SVEP1: variants seen among roughly 807,000 people sequenced by gnomAD.
SVEP1 encodes sushi, von Willebrand factor type A, EGF and pentraxin domain-containing protein 1.
A neutral mutation model predicts 367.3 loss-of-function variants in SVEP1; 164 were observed. The ratio of observed to expected loss-of-function variants is 0.45; its 90% CI spans 0.39 to 0.51. The LOEUF (loss-of-function observed/expected upper bound fraction) is 0.51. Among genes scored for constraint, SVEP1 ranks in the 20% least tolerant of loss-of-function variants. The probability of loss-of-function intolerance (pLI) is 0.00; values close to 1 mark genes in which losing one functional copy is unlikely to be tolerated. For synonymous variants in SVEP1, 1,666 were observed against 1,611.6 expected, an observed-to-expected ratio of 1.03 and a Z score of -0.81; for missense variants, 4,117 against 4,425.3, an observed-to-expected ratio of 0.93 and a Z score of 1.98.
At chr9:110,540,694 T>C (rs1342426034) in intron 3 of SVEP1, among the ~76,000 whole-genome samples, 2 of 152,166 alleles carry the variant, frequency 1.3e-5, no homozygotes, top group Admixed American at 1.3e-4. Flanking sequence ...ACATATCATA[T>C]GCTATAAAAC....
chr9:110,483,754 T>G, intron 9 of SVEP1, 61 bp from the exon 10 acceptor site: 6 of 1,324,216 alleles, frequency 4.5e-6, no homozygotes, highest in Non-Finnish European at 6.1e-6. Flanking sequence ...ATGAGGAGGT[T>G]TTCAAAAGAG....
Position 110,379,415 on chromosome 9 carries a change from A to T in SVEP1, c.10340T>A (p.Met3447Lys), listed in dbSNP as rs763922501. ...AACACTCCTCAGGAAACCCTCCAAC[A>T]TGTATCCACTGTAACATGAGTAGGT... ...MITYSCYSGYMLEGFLRSVCL... is the reference protein window; with the variant it reads ...MITYSCYSGYKLEGFLRSVCL... Residue 3447 changes from methionine to lysine, a missense_variant, in exon 44 of 48, where the codon ATG becomes AAG. This residue lies in a region of SVEP1 where 1,765 missense variants were observed against 1,781.1 expected (regional missense o/e 0.99). Coordinates refer to ENST00000374469, the MANE Select transcript of SVEP1 (RefSeq NM_153366.4). The T allele has an allele frequency of 6.2e-7, 1 of 1,613,796 alleles. No individual in the cohort carries two copies. Among genetic ancestry groups the T allele is most frequent in the South Asian group, 1.1e-5 (1 of 91,056 alleles).
Position 110,455,474 on chromosome 9 carries a change from AAT to A in SVEP1, c.3787+114_3787+115del, listed in dbSNP as rs1828763479. 9 of 723,492 alleles carry A rather than the reference AAT, an allele frequency of 1.2e-5. No homozygotes were observed. The Middle Eastern group carries it at 8.1e-4, about 65-fold the overall frequency. 44.8% of individuals were successfully genotyped at this position (723,492 alleles called of 1,614,324 possible). On this transcript the variant is annotated intron_variant, in intron 22 of 47. Coordinates refer to ENST00000374469, the MANE Select transcript of SVEP1 (RefSeq NM_153366.4). ...GTAATATTAGAAAATATGCTTCTTC[AAT>A]ATGTTTATAATATTCTATAAATGTA...
chr9:110,370,134 A>T, intron 46 of SVEP1, 118 bp from the exon 47 acceptor site: 2 of 841,908 alleles, frequency 2.4e-6, no homozygotes, highest in Non-Finnish European at 3.8e-6. Flanking sequence ...GCTGGTCTTC[A>T]TATACCGTTA....
Position 110,436,392 on chromosome 9 carries a change from C to T in SVEP1, c.4752G>A (p.Leu1584=). ...AAATGGAATTGACCTGCTGTGGAGACAGGACATAGTCCCAGAGGTTGAGCT... is the reference window on the plus strand; with the variant it reads ...AAATGGAATTGACCTGCTGTGGAGATAGGACATAGTCCCAGAGGTTGAGCT... The part of the protein sequence containing the change: ...ISQLNLWDYV[L]SPQQVKSLAT... The change falls in exon 28 of 48, where the codon CTG becomes CTA. Residue 1584 remains leucine (L), a synonymous_variant. Transcript: ENST00000374469. 1.2e-6 allele frequency: 2 copies of T among 1,613,926 alleles called. No homozygotes were observed. Among genetic ancestry groups the T allele is most frequent in the Middle Eastern group, 1.6e-4 (1 of 6,062 alleles).
intron 1 of SVEP1, among the ~76,000 whole-genome samples, chr9:110,572,738 C>T (rs1018861893): frequency 1.5e-5 from 2 of 129,314 alleles, no homozygotes; most frequent in Non-Finnish European, 3.1e-5. Context: ...GCCGAGATGG[C>T]GTCACTGCAC....
At chr9:110,508,063 T>G (rs1454544205) in intron 5 of SVEP1, among the ~76,000 whole-genome samples, 1 of 152,246 alleles carries the variant, frequency 6.6e-6, no homozygotes, top group Non-Finnish European at 1.5e-5. Context: ...CTTAATACCA[T>G]TTTAATAGGT....
In SVEP1 at chr9:110,430,332, T is replaced by C. The variant is rs756834962; in HGVS notation, c.5472A>G (p.Val1824=). 2 of 1,613,556 alleles carry C rather than the reference T, an allele frequency of 1.2e-6. No homozygotes were observed. The highest frequency in any genetic ancestry group is 1.7e-5 in the Admixed American group (1 of 59,902). The change falls in exon 33 of 48, where the codon GTA becomes GTG. Residue 1824 remains valine (V), a synonymous_variant. Transcript: ENST00000374469. The part of the protein sequence containing the change: ...SCQEGYQLMG[V]TKITCLESGE... Reference sequence around the variant, plus strand: ...CAGACTCCAAACATGTGATTTTGGTTACTCCCATCAACTGGTATCCTTCCT... The same window carrying C: ...CAGACTCCAAACATGTGATTTTGGTCACTCCCATCAACTGGTATCCTTCCT...
In SVEP1 at chr9:110,407,448, C is replaced by T. The variant is rs1417277188; in HGVS notation, c.8152G>A (p.Asp2718Asn). Residue 2718 changes from aspartate to asparagine, a missense_variant, in exon 38 of 48, where the codon GAC (aspartate) becomes AAC (asparagine). Asp to Asn is a conservative substitution (Grantham distance 23). This residue lies in a region of SVEP1 where 1,765 missense variants were observed against 1,781.1 expected (regional missense o/e 0.99). Transcript: ENST00000374469. ...SAPSCISIEC[D>N]LPTAPENGFL... is the part of the protein sequence containing the mutation. ...CCATTTTCAGGAGCAGTAGGCAAGT[C>T]ACATTCAATTGAAATGCAGGATGGT... The T allele has an allele frequency of 6.2e-7, 1 of 1,613,866 alleles. No individual in the cohort carries two copies. The highest frequency in any genetic ancestry group is 1.3e-5 in the African/African-American group (1 of 74,922).
intron 27 of SVEP1, 123 bp downstream of exon 27, chr9:110,443,422 A>G (rs1931321): frequency 0.83 from 742,062 of 892,178 alleles, 309,676 homozygotes; most frequent in East Asian, 0.99. Context: ...AGTAGGAAAT[A>G]AGAGAGATAG....
chr9:110,520,308 G>T (rs1379841149), intron 3 of SVEP1, among the ~76,000 whole-genome samples: 2 of 151,954 alleles, frequency 1.3e-5, no homozygotes, highest in African/African-American at 2.4e-5. Context: ...AGCAAAAGTT[G>T]AAAAAAATGA....
At chr9:110,448,160 T>C (rs762933943) in intron 24 of SVEP1, among the ~76,000 whole-genome samples, 10,183 of 73,118 alleles carry the variant, frequency 0.14, 450 homozygotes, top group Non-Finnish European at 0.16. Flanking sequence ...CGCGTGTGTG[T>C]GTGCGCGCGC....
chr9:110,437,106 G>T (rs1040812200), intron 27 of SVEP1, among the ~76,000 whole-genome samples: 1 of 152,116 alleles, frequency 6.6e-6, no homozygotes. Flanking sequence ...GTGTCCCAAA[G>T]GTTGTCCCCG....
intron 3 of SVEP1, among the ~76,000 whole-genome samples, chr9:110,531,623 C>T (rs563710697): frequency 2.0e-5 from 3 of 152,240 alleles, no homozygotes; most frequent in Non-Finnish European, 4.4e-5. Flanking sequence ...TCAATTAAAC[C>T]TCTTTCCATT....
At chr9:110,454,271 T>C (rs1375851233) in intron 22 of SVEP1, among the ~76,000 whole-genome samples, 1 of 152,220 alleles carries the variant, frequency 6.6e-6, no homozygotes, top group Non-Finnish European at 1.5e-5. Context: ...GACTCAGCCA[T>C]ACATCCTTTG....
intron 40 of SVEP1, among the ~76,000 whole-genome samples, chr9:110,395,417 A>G (rs1163651874): frequency 1.3e-5 from 2 of 152,190 alleles, no homozygotes; most frequent in Admixed American, 6.6e-5. Flanking sequence ...TGTAAAGACC[A>G]TCAAGGCTAG....
rs754591614 is a variant in SVEP1, at chr9:110,369,935, T to C, written c.10682A>G (p.His3561Arg). 1 of 1,613,054 alleles carries C rather than the reference T, an allele frequency of 6.2e-7. No homozygotes were observed. Among genetic ancestry groups the C allele is most frequent in the Admixed American group, 1.7e-5 (1 of 59,864 alleles). The change falls in exon 47 of 48, where the codon CAT becomes CGT. Residue 3561 changes from histidine to arginine, a missense_variant. Physicochemically the swap from His to Arg is conservative, Grantham distance 29. This residue lies in a region of SVEP1 where 1,765 missense variants were observed against 1,781.1 expected (regional missense o/e 0.99). Coordinates refer to ENST00000374469, the MANE Select transcript of SVEP1 (RefSeq NM_153366.4). ...RCHCLSSWTGHNCSRKRRTGF is the reference protein window; with the variant it reads ...RCHCLSSWTGRNCSRKRRTGF ...TTGGTTATCTTACCTGGAACAGTTA[T>C]GTCCCGTCCAAGAAGAAAGACAGTG...
chr9:110,488,392 C>A (rs983212409), intron 9 of SVEP1, among the ~76,000 whole-genome samples: 22 of 151,952 alleles, frequency 1.4e-4, no homozygotes, highest in African/African-American at 5.1e-4. Flanking sequence ...ATAGAGAAGA[C>A]CAGGGCTGAA....
At position 110,579,157 on chromosome 9, in the gene SVEP1, G is replaced by A. The variant is rs1268514155; in HGVS notation, c.387C>T (p.Ser129=). ...ATRVAIVTFS[S]KNYVVPRVDY... The stretch of plus-strand genomic sequence containing the variant: ...CGACGCGCGGCACCACGTAGTTCTT[G>A]GACGAGAAGGTCACGATGGCCACGC... The change falls in exon 1 of 48, where the codon TCC becomes TCT. Residue 129 remains serine, a synonymous_variant. Coordinates refer to ENST00000374469, the MANE Select transcript of SVEP1 (RefSeq NM_153366.4). This position sits in a 1 kb window ranked among gnomAD's most constrained non-coding sequence, Gnocchi z 5.3. 2.6e-6 allele frequency: 4 copies of A among 1,562,658 alleles called. No individual in the cohort carries two copies. The highest frequency in any genetic ancestry group is 3.5e-6 in the Non-Finnish European group (4 of 1,154,308).
Sources: gnomAD v4.1 joint callset for allele counts (sites outside exome capture counted in the v4.1 genomes callset) on GRCh38, gnomAD v4.1.1 for gene constraint, gnomAD v4.1.1 regional missense constraint, Gnocchi (gnomAD v3.1) non-coding constraint, MANE v1.5 for transcripts, NCBI Gene and HGNC (gene_info 2026-07-23, HGNC 2026-07-21) for gene names.